COL23A1: variants seen among roughly 807,000 people sequenced by gnomAD.
The protein encoded by COL23A1 is collagen type XXIII alpha 1 chain.
Under a neutral mutation model 99.3 loss-of-function variants are expected in COL23A1, and 97 were observed. The observed-to-expected ratio is 0.98, with a 90% CI of 0.83 to 1.16. COL23A1 has a LOEUF of 1.16. COL23A1 is among the 50% of genes most tolerant of loss of function. The pLI is 0.00. For synonymous variants in COL23A1, 320 were observed against 308.2 expected (o/e 1.04, Z -0.40); for missense variants, 762 against 757.4 (o/e 1.01, Z -0.07).
At chr5:178,272,298 A>G (rs898972547) in intron 5 of COL23A1, among the ~76,000 whole-genome samples, 2 of 152,120 alleles carry the variant, frequency 1.3e-5, no homozygotes, top group Non-Finnish European at 2.9e-5. Context: ...CCCTGGCTCA[A>G]CCTCCAGACT....
At chr5:178,571,934 G>A (rs1170013909) in intron 1 of COL23A1, among the ~76,000 whole-genome samples, 5 of 152,110 alleles carry the variant, frequency 3.3e-5, no homozygotes, top group Admixed American at 6.5e-5. Flanking sequence ...TGGGTGTGGT[G>A]GCGGGCGCCT....
intron 2 of COL23A1, among the ~76,000 whole-genome samples, chr5:178,478,652 G>A (rs756410722): frequency 2.0e-5 from 3 of 152,174 alleles, no homozygotes; most frequent in African/African-American, 7.2e-5. Context: ...CACAGAGAGA[G>A]TGTCTGGAGA....
At chr5:178,274,698 G>C (rs1020376749) in intron 5 of COL23A1, among the ~76,000 whole-genome samples, 2 of 152,148 alleles carry the variant, frequency 1.3e-5, no homozygotes, top group African/African-American at 4.8e-5. Flanking sequence ...AAAGTAGCTC[G>C]GGGAGGTTTA....
At chr5:178,382,302 G>A (rs115616092) in intron 2 of COL23A1, among the ~76,000 whole-genome samples, 2,505 of 152,318 alleles carry the variant, frequency 0.016, 39 homozygotes, top group Non-Finnish European at 0.024. Context: ...GGGTCAACTG[G>A]TCAACCTCCA....
chr5:178,501,449 C>T (rs772438822), intron 2 of COL23A1, among the ~76,000 whole-genome samples: 3 of 151,904 alleles, frequency 2.0e-5, no homozygotes, highest in Non-Finnish European at 2.9e-5. Flanking sequence ...GGCATGGTGG[C>T]GGGCGTCTGC....
At chr5:178,522,722 A>T (rs1046735714) in intron 2 of COL23A1, among the ~76,000 whole-genome samples, 8 of 152,098 alleles carry the variant, frequency 5.3e-5, no homozygotes, top group African/African-American at 1.9e-4. Context: ...CAGGACCAAC[A>T]CCAAAAGATG....
intron 3 of COL23A1, among the ~76,000 whole-genome samples, chr5:178,301,128 T>A (rs1758010101): frequency 6.6e-6 from 1 of 152,194 alleles, no homozygotes; most frequent in Non-Finnish European, 1.5e-5. Flanking sequence ...CTTTTCTCCT[T>A]CTGTTCCTTA....
intron 2 of COL23A1, among the ~76,000 whole-genome samples, chr5:178,382,957 C>A (rs1287009295): frequency 6.6e-6 from 1 of 152,082 alleles, no homozygotes; most frequent in Non-Finnish European, 1.5e-5. Flanking sequence ...GGAGGGGGGC[C>A]CACTCCAGTG....
At chr5:178,510,324 T>C (rs680609) in intron 2 of COL23A1, among the ~76,000 whole-genome samples, 100,129 of 152,044 alleles carry the variant, frequency 0.66, 34,330 homozygotes, top group East Asian at 0.88. Flanking sequence ...GGCGGATCAC[T>C]TGAGGTCAGG....
rs375981273 is a variant in COL23A1, at chr5:178,246,247, C to A, written c.1413+7G>T. On this transcript the variant is annotated splice_region_variant and intron_variant, in intron 24 of 28. Coordinates refer to ENST00000390654, the MANE Select transcript of COL23A1 (RefSeq NM_173465.4). ...GTTGGAGAGGGAGTTCCGAATGAGG[C>A]GGTTACCTTCTCTCCTTTGGTTCCT... 6.4e-6 allele frequency: 10 copies of A among 1,553,246 alleles called. No individual in the cohort carries two copies. The African/African-American group carries it at 1.1e-4, about 17-fold the overall frequency.
At chr5:178,334,723 A>C (rs1760226067) in intron 2 of COL23A1, among the ~76,000 whole-genome samples, 3 of 152,250 alleles carry the variant, frequency 2.0e-5, no homozygotes, top group Non-Finnish European at 4.4e-5. Flanking sequence ...GAACCCCACT[A>C]GATGACACGA....
At position 178,272,114 on chromosome 5, in the gene COL23A1, C is replaced by G. The variant is rs527795997; in HGVS notation, c.442-1751G>C. Among the ~76,000 whole-genome samples the G allele has an allele frequency of 7.2e-5, 11 of 152,350 alleles. No homozygotes were observed. In the South Asian group the frequency reaches 1.2e-3, roughly 17 times the overall value. ...CTCTGGCTTCCTTTCCATCCTCATC[C>G]CTCGGCTCTCTGTTCCCTCTGCCTG... On this transcript the variant is annotated intron_variant, in intron 5 of 28. Transcript: ENST00000390654.
chr5:178,352,842 G>A (rs7704449), intron 2 of COL23A1, among the ~76,000 whole-genome samples: 64,334 of 152,074 alleles, frequency 0.42, 14,048 homozygotes, highest in Middle Eastern at 0.59. Context: ...GGCCCAGCAC[G>A]TCTGTTTGTC....
chr5:178,538,889 C>T (rs1326808783), intron 2 of COL23A1, among the ~76,000 whole-genome samples: 2 of 152,070 alleles, frequency 1.3e-5, no homozygotes, highest in African/African-American at 4.8e-5. Context: ...CATTACTCAG[C>T]CATAAAAAAA....
At chr5:178,554,834 T>TA (rs70997613) in intron 2 of COL23A1, among the ~76,000 whole-genome samples, 81 of 147,774 alleles carry the variant, frequency 5.5e-4, no homozygotes, top group East Asian at 5.3e-3. Flanking sequence ...TTCTGGGACG[T>TA]AAAAAAAAAA....
chr5:178,362,337 ACTGAACCATGGACAGCTCTGTGT>A (rs1330846879), intron 2 of COL23A1, among the ~76,000 whole-genome samples: 15 of 152,020 alleles, frequency 9.9e-5, no homozygotes, highest in African/African-American at 3.6e-4. Context: ...GGCATGTCCC[ACTGAACCATGGACAGCTCTGTGT>A]CTCAGTGGGC....
intron 8 of COL23A1, among the ~76,000 whole-genome samples, chr5:178,265,233 C>A (rs1755813654): frequency 6.6e-6 from 1 of 152,242 alleles, no homozygotes; most frequent in Non-Finnish European, 1.5e-5. Context: ...ACCCACCACT[C>A]AGGTCCTCCC....
rs2127531048 is a variant in COL23A1 at position 178,246,401 on chromosome 5, C to A, written c.1349G>T (p.Ser450Ile). ...GCTTGTGAGACTCACAGGCAGGCCG[C>A]TGGGGCCTCTCTCACCCGACGCACC... Reference protein sequence around the residue: ...EKGASGERGPSGLPGPVGPPG... With the variant: ...EKGASGERGPIGLPGPVGPPG... The change falls in exon 23 of 29, where the codon AGC becomes ATC. Residue 450 changes from serine to isoleucine, a missense_variant. Ser to Ile is a moderately radical substitution (Grantham distance 142). Coordinates refer to ENST00000390654, the MANE Select transcript of COL23A1 (RefSeq NM_173465.4). 6.3e-7 allele frequency: 1 copy of A among 1,579,964 alleles called. No homozygotes were observed. Among genetic ancestry groups the A allele is most frequent in the Non-Finnish European group, 8.6e-7 (1 of 1,162,270 alleles).
chr5:178,485,594 G>A (rs946185293), intron 2 of COL23A1, among the ~76,000 whole-genome samples: 4 of 152,058 alleles, frequency 2.6e-5, no homozygotes, highest in African/African-American at 4.8e-5. Flanking sequence ...CCAACATGGT[G>A]AAACCCTGTC....
Sources: gnomAD v4.1 joint callset for allele counts (sites outside exome capture counted in the v4.1 genomes callset) on GRCh38, gnomAD v4.1.1 for gene constraint, MANE v1.5 for transcripts, NCBI Gene and HGNC (gene_info 2026-07-23, HGNC 2026-07-21) for gene names.